RGS6: variants seen among roughly 807,000 people sequenced by gnomAD.
The protein encoded by RGS6 is regulator of G protein signaling 6, also known as regulator of G-protein signaling 6.
In RGS6, 30 loss-of-function variants were observed where a neutral mutation model predicts 78.5. That is an observed-to-expected ratio of 0.38 (90% CI 0.29 to 0.52). The LOEUF (loss-of-function observed/expected upper bound fraction) is 0.52, where lower values mean the gene tolerates loss of function less well. RGS6 is among the 20% of genes least tolerant of loss of function. The pLI is 0.85. For missense variants in RGS6, 495 were observed against 609.7 expected (o/e 0.81, Z 1.98); for synonymous variants, 206 against 206.0 (o/e 1.00, Z 0.00).
chr14:72,098,534 C>G (rs541109536), intron 2 of RGS6, among the ~76,000 whole-genome samples: 1 of 152,292 alleles, frequency 6.6e-6, no homozygotes, highest in South Asian at 2.1e-4. Context: ...ACTGTCAGAG[C>G]TTGGACCAAA....
chr14:71,883,310 C>T, the RGS6 span, among the ~76,000 whole-genome samples: 1 of 152,162 alleles, frequency 6.6e-6, no homozygotes, highest in Admixed American at 6.5e-5. Context: ...ACTGTAATTG[C>T]CCCAGAGCCA....
chr14:72,345,630 C>G (rs1316769799), intron 2 of RGS6, among the ~76,000 whole-genome samples: 2 of 152,164 alleles, frequency 1.3e-5, no homozygotes, highest in African/African-American at 4.8e-5. Flanking sequence ...TTAGCTTCAG[C>G]CTCCAACACA....
chr14:72,330,079 C>T (rs2222311), intron 2 of RGS6, among the ~76,000 whole-genome samples: 43,475 of 152,110 alleles, frequency 0.29, 6,395 homozygotes, highest in South Asian at 0.39. Flanking sequence ...AGTGAGGGAC[C>T]GAGATTGTAG....
intron 2 of RGS6, among the ~76,000 whole-genome samples, chr14:72,185,173 C>A (rs555446968): frequency 6.6e-6 from 1 of 152,208 alleles, no homozygotes; most frequent in East Asian, 1.9e-4. Flanking sequence ...CTTCCATGTT[C>A]TTCTGCTTGC....
chr14:72,616,008 C>T, the RGS6 span, among the ~76,000 whole-genome samples: 1 of 152,196 alleles, frequency 6.6e-6, no homozygotes, highest in African/African-American at 2.4e-5. Flanking sequence ...CGGAAGACAA[C>T]CACATCATTA....
chr14:71,963,898 A>G (rs2153046712), intron 1 of RGS6, among the ~76,000 whole-genome samples: 1 of 152,302 alleles, frequency 6.6e-6, no homozygotes, highest in Admixed American at 6.5e-5. Context: ...GCTAGATCAT[A>G]TGGTAATTCT....
In RGS6 at chr14:71,975,690, C is replaced by G. The variant is rs2094080061; in HGVS notation, c.84+10815C>G. On this transcript the variant is annotated intron_variant, in intron 2 of 17. Transcript: ENST00000553525. ...ACCAGGATGGTCTCGATCTCTTGAC[C>G]TCGTGATCCTCCCACCTCAGCCTCC... 2.0e-5 allele frequency among the ~76,000 whole-genome samples: 3 copies of G among 152,170 alleles called. No homozygotes were observed. The South Asian group carries it at 6.2e-4, about 32-fold the overall frequency.
intron 3 of RGS6, among the ~76,000 whole-genome samples, chr14:72,399,871 A>G (rs953612637): frequency 6.6e-6 from 1 of 152,242 alleles, no homozygotes; most frequent in Non-Finnish European, 1.5e-5. Flanking sequence ...AAAGCCTCCA[A>G]GAAATATGGG....
At chr14:72,068,118 T>C (rs1001851960) in intron 2 of RGS6, among the ~76,000 whole-genome samples, 6 of 149,104 alleles carry the variant, frequency 4.0e-5, no homozygotes, top group African/African-American at 1.5e-4. Context: ...ATATCATTTA[T>C]TTAATTATGT....
chr14:72,248,948 A>G (rs1008426715), intron 2 of RGS6, among the ~76,000 whole-genome samples: 2 of 152,176 alleles, frequency 1.3e-5, no homozygotes, highest in Admixed American at 6.5e-5. Flanking sequence ...TTCTCTCCTA[A>G]TAAGGCTTGC....
intron 2 of RGS6, among the ~76,000 whole-genome samples, chr14:72,216,178 G>A (rs1179535143): frequency 6.6e-6 from 1 of 152,190 alleles, no homozygotes; most frequent in Non-Finnish European, 1.5e-5. Flanking sequence ...TTCAGAGCTA[G>A]TTTGTTTCAT....
chr14:72,292,152 C>T (rs556754199), intron 2 of RGS6, among the ~76,000 whole-genome samples: 29 of 152,298 alleles, frequency 1.9e-4, no homozygotes, highest in African/African-American at 7.0e-4. Context: ...CTGCCTTCCC[C>T]AGTGTACTGG....
intron 2 of RGS6, among the ~76,000 whole-genome samples, chr14:72,216,869 C>T (rs1360646488): frequency 1.3e-5 from 2 of 152,040 alleles, no homozygotes; most frequent in African/African-American, 2.4e-5. Context: ...CTGATAATTA[C>T]ATAGATGAGA....
At chr14:72,558,032 A>G (rs1344775093) in intron 17 of RGS6, among the ~76,000 whole-genome samples, 1 of 152,150 alleles carries the variant, frequency 6.6e-6, no homozygotes, top group Non-Finnish European at 1.5e-5. Context: ...CGGTAAAATG[A>G]ACAGACCTGA....
chr14:72,355,198 C>CTT (rs374468114), intron 3 of RGS6, among the ~76,000 whole-genome samples: 17 of 142,764 alleles, frequency 1.2e-4, no homozygotes, highest in South Asian at 2.2e-4. Flanking sequence ...TCCTCTGGTT[C>CTT]TTTTTTTTTT....
intron 2 of RGS6, among the ~76,000 whole-genome samples, chr14:72,128,025 T>C (rs1049230534): frequency 1.3e-5 from 2 of 152,220 alleles, no homozygotes; most frequent in African/African-American, 4.8e-5. Context: ...CTGAGTAGCG[T>C]TCTGTGGTAT....
chr14:71,886,746 A>G, the RGS6 span, among the ~76,000 whole-genome samples: 2 of 152,238 alleles, frequency 1.3e-5, no homozygotes, highest in Admixed American at 1.3e-4. Context: ...GTATATCTTG[A>G]CAAAGTTTTG....
intron 2 of RGS6, among the ~76,000 whole-genome samples, chr14:71,990,180 T>C (rs967609899): frequency 6.6e-6 from 1 of 151,504 alleles, no homozygotes; most frequent in Admixed American, 6.6e-5. Flanking sequence ...CACGAAGTCA[T>C]TCATGAGGGT....
At chr14:72,461,173 A>G (rs776776836) in intron 6 of RGS6, among the ~76,000 whole-genome samples, 2 of 152,224 alleles carry the variant, frequency 1.3e-5, no homozygotes, top group Non-Finnish European at 2.9e-5. Flanking sequence ...TGAAAGCCCA[A>G]CTCAGAATTT....
Sources: gnomAD v4.1 joint callset for allele counts (sites outside exome capture counted in the v4.1 genomes callset) on GRCh38, gnomAD v4.1.1 for gene constraint, MANE v1.5 for transcripts, NCBI Gene and HGNC (gene_info 2026-07-23, HGNC 2026-07-21) for gene names.